Variants in BRIP1 observed in about 807,000 individuals in gnomAD.
BRIP1 encodes the protein Fanconi anemia group J protein.
A neutral mutation model predicts 119.7 loss-of-function variants in BRIP1; 88 were observed. The observed-to-expected ratio is 0.74, with a 90% confidence interval of 0.62 to 0.88. The LOEUF is 0.88. Among genes scored for constraint, BRIP1 ranks in the 40% least tolerant of loss-of-function variants. The pLI is 0.00. For synonymous variants in BRIP1, 443 were observed against 496.5 expected (o/e 0.89, Z 1.43); for missense variants, 1,259 against 1,455.4 (o/e 0.87, Z 2.20).
chr17:61,830,082 A>G (rs746996299), intron 6 of BRIP1, among the ~76,000 whole-genome samples: 1 of 151,848 alleles, frequency 6.6e-6, no homozygotes, highest in Non-Finnish European at 1.5e-5. Flanking sequence ...ACAGGCGCCC[A>G]CCACCATGCC....
intron 16 of BRIP1, among the ~76,000 whole-genome samples, chr17:61,719,225 G>C (rs563736676): frequency 3.0e-4 from 45 of 150,378 alleles, no homozygotes; most frequent in Non-Finnish European, 4.9e-4. Context: ...CCAAGATATG[G>C]AATCAACCTA....
intron 10 of BRIP1, among the ~76,000 whole-genome samples, chr17:61,786,483 T>G (rs989975541): frequency 6.6e-6 from 1 of 151,374 alleles, no homozygotes; most frequent in Non-Finnish European, 1.5e-5. Context: ...GGTATACTAC[T>G]TTGGTAAAAA....
At position 61,729,770 on chromosome 17, in the gene BRIP1, G is replaced by A. The variant is rs2076819115; in HGVS notation, c.2379+13243C>T. 1.3e-5 allele frequency among the ~76,000 whole-genome samples: 2 copies of A among 152,066 alleles called. No individual in the cohort carries two copies. Among genetic ancestry groups the A allele is most frequent in the Non-Finnish European group, 2.9e-5 (2 of 68,022 alleles). ...TTTGTATGCCTCACTATGTAAAACA[G>A]TGGTGCTCAACCGAGAGCAATTTTG... On this transcript the variant is annotated intron_variant, in intron 16 of 19. Transcript: ENST00000259008. The surrounding 1 kb of genome is among the most constrained non-coding windows in gnomAD (Gnocchi z 5.6).
intron 10 of BRIP1, among the ~76,000 whole-genome samples, chr17:61,791,028 C>T (rs991753237): frequency 3.9e-5 from 6 of 152,112 alleles, no homozygotes; most frequent in South Asian, 2.1e-4. Context: ...ATAGATACCA[C>T]GCTGCATTTT....
rs936311438 is a variant in BRIP1, at chr17:61,740,049, G to A, written c.2379+2964C>T. On this transcript the variant is annotated intron_variant, in intron 16 of 19. Coordinates refer to ENST00000259008, the MANE Select transcript of BRIP1 (RefSeq NM_032043.3). The surrounding 1 kb of genome is among the most constrained non-coding windows in gnomAD (Gnocchi z 5.4). Reference sequence around the variant, plus strand: ...AGTAGACACCAAACAGCACAAGACAGTAATTCTGGAGCTAAGTGGAATTCA... The same window carrying A: ...AGTAGACACCAAACAGCACAAGACAATAATTCTGGAGCTAAGTGGAATTCA... Among the ~76,000 whole-genome samples, 27 of 152,154 alleles carry A rather than the reference G, an allele frequency of 1.8e-4. No individual in the cohort carries two copies. Among genetic ancestry groups the A allele is most frequent in the African/African-American group, 6.3e-4 (26 of 41,442 alleles).
At position 61,802,456 on chromosome 17, in the gene BRIP1, T is replaced by C. The variant is rs1277772974; in HGVS notation, c.919-982A>G. ...GCCTGGATGACAAAACAAAGCCCTA[T>C]CTCTAAATAGTAATAAAAACAAGAA... is the stretch of plus-strand genomic sequence containing the variant. On this transcript the variant is annotated intron_variant, in intron 7 of 19. Transcript: ENST00000259008. The surrounding 1 kb of genome is among the most constrained non-coding windows in gnomAD (Gnocchi z 6.0). Among the ~76,000 whole-genome samples, 1 of 152,072 alleles carries C rather than the reference T, an allele frequency of 6.6e-6. No homozygotes were observed. Among genetic ancestry groups the C allele is most frequent in the Non-Finnish European group, 1.5e-5 (1 of 67,998 alleles).
chr17:61,759,431 A>G lies in BRIP1; in HGVS notation c.2098-14840T>C, dbSNP rs2077245597. Among the ~76,000 whole-genome samples, 1 of 152,226 alleles carries G rather than the reference A, an allele frequency of 6.6e-6. No individual in the cohort carries two copies. The highest frequency in any genetic ancestry group is 1.5e-5 in the Non-Finnish European group (1 of 68,024). ...AAGTACCTAAATATATAAAGCAAGTATTAAAGGATCTGAAAAGAGAGATAG... is the reference window on the plus strand; with the variant it reads ...AAGTACCTAAATATATAAAGCAAGTGTTAAAGGATCTGAAAAGAGAGATAG... On this transcript the variant is annotated intron_variant, in intron 14 of 19. Coordinates refer to ENST00000259008, the MANE Select transcript of BRIP1 (RefSeq NM_032043.3). The surrounding 1 kb of genome is among the most constrained non-coding windows in gnomAD (Gnocchi z 4.9).
chr17:61,826,817 G>C (rs1033689296), intron 6 of BRIP1, among the ~76,000 whole-genome samples: 2 of 148,360 alleles, frequency 1.3e-5, no homozygotes, highest in Admixed American at 1.4e-4. Context: ...CTACTGGTAA[G>C]AATGTAAATT....
rs1045920982 is a variant in BRIP1 at position 61,814,230 on chromosome 17, A to C, written c.628-5473T>G. Reference sequence around the variant, plus strand: ...TCCTAAAACAATAAACCAAAAACACAAATGAGTGAAAACACAGCTTCATTA... The same window carrying C: ...TCCTAAAACAATAAACCAAAAACACCAATGAGTGAAAACACAGCTTCATTA... On this transcript the variant is annotated intron_variant, in intron 6 of 19. Transcript: ENST00000259008. The surrounding 1 kb of genome is among the most constrained non-coding windows in gnomAD (Gnocchi z 4.9). Among the ~76,000 whole-genome samples the C allele has an allele frequency of 6.6e-6, 1 of 152,082 alleles. No homozygotes were observed. The highest frequency in any genetic ancestry group is 2.4e-5 in the African/African-American group (1 of 41,458).
At chr17:61,792,521 T>C (rs958104710) in intron 10 of BRIP1, among the ~76,000 whole-genome samples, 2 of 152,096 alleles carry the variant, frequency 1.3e-5, no homozygotes, top group Non-Finnish European at 2.9e-5. Context: ...AAAAAATACA[T>C]GGAGGAATCT....
At chr17:61,771,828 G>C (rs1278373562) in intron 14 of BRIP1, among the ~76,000 whole-genome samples, 1 of 151,978 alleles carries the variant, frequency 6.6e-6, no homozygotes, top group Non-Finnish European at 1.5e-5. Flanking sequence ...CAGACATGTT[G>C]GCGGACACCT....
chr17:61,837,768 CAT>C (rs1383308039), intron 6 of BRIP1, among the ~76,000 whole-genome samples: 1 of 151,944 alleles, frequency 6.6e-6, no homozygotes, highest in African/African-American at 2.4e-5. Flanking sequence ...AGAACTTTGA[CAT>C]ATGAATTGTC....
chr17:61,765,423 A>AT (rs1158741814), intron 14 of BRIP1, among the ~76,000 whole-genome samples: 9 of 8,234 alleles, frequency 1.1e-3, no homozygotes, highest in South Asian at 0.01. Context: ...ATATATATAT[A>AT]TTTTTTTTTT....
At position 61,802,631 on chromosome 17, in the gene BRIP1, G is replaced by A. The variant is rs993855423; in HGVS notation, c.919-1157C>T. ...TCTTGACATCACTAAGCATCTTTTC[G>A]TTGCTGCTCATATATGTACATTGAA... On this transcript the variant is annotated intron_variant, in intron 7 of 19. Coordinates refer to ENST00000259008, the MANE Select transcript of BRIP1 (RefSeq NM_032043.3). The surrounding 1 kb of genome is among the most constrained non-coding windows in gnomAD (Gnocchi z 6.0). Among the ~76,000 whole-genome samples, 6 of 152,088 alleles carry A rather than the reference G, an allele frequency of 3.9e-5. No homozygotes were observed. The highest frequency in any genetic ancestry group is 7.2e-5 in the African/African-American group (3 of 41,416).
chr17:61,746,670 T>A lies in BRIP1; in HGVS notation c.2098-2079A>T, dbSNP rs1288379337. ...ACTATAAATATACACACAACCAACA[T>A]CAGAGCACCCAAATATAGCAAGCAA... On this transcript the variant is annotated intron_variant, in intron 14 of 19. Transcript: ENST00000259008. The surrounding 1 kb of genome is among the most constrained non-coding windows in gnomAD (Gnocchi z 4.9). Among the ~76,000 whole-genome samples, 2 of 151,866 alleles carry A rather than the reference T, an allele frequency of 1.3e-5. No individual in the cohort carries two copies. The highest frequency in any genetic ancestry group is 4.8e-5 in the African/African-American group (2 of 41,350).
chr17:61,785,734 A>G (rs1303066548), intron 10 of BRIP1, among the ~76,000 whole-genome samples: 2 of 152,210 alleles, frequency 1.3e-5, no homozygotes, highest in Non-Finnish European at 2.9e-5. Flanking sequence ...AACACCTTAT[A>G]TCAAAGCTTA....
rs1697470424 is a variant in BRIP1, at chr17:61,848,091, CA to C, written c.508-872del. Among the ~76,000 whole-genome samples, 4 of 152,222 alleles carry C rather than the reference CA, an allele frequency of 2.6e-5. No homozygotes were observed. The South Asian group carries it at 8.3e-4, about 32-fold the overall frequency. On this transcript the variant is annotated intron_variant, in intron 5 of 19. Transcript: ENST00000259008. The surrounding 1 kb of genome is among the most constrained non-coding windows in gnomAD (Gnocchi z 4.3). ...GGAACAGTTAAACTACATAAGACTT[CA>C]AGAACCTTGAGTATACTCAATTAAA...
At position 61,809,755 on chromosome 17, in the gene BRIP1, T is replaced by C. The variant is rs911278048; in HGVS notation, c.628-998A>G. Among the ~76,000 whole-genome samples the C allele has an allele frequency of 1.3e-5, 2 of 152,144 alleles. No individual in the cohort carries two copies. The highest frequency in any genetic ancestry group is 2.9e-5 in the Non-Finnish European group (2 of 67,998). ...GGGGAGGGAAAAAAGGTAAATAGCATTGTAACTTAAAAGACTGTGTGCTAA... is the reference window on the plus strand; with the variant it reads ...GGGGAGGGAAAAAAGGTAAATAGCACTGTAACTTAAAAGACTGTGTGCTAA... On this transcript the variant is annotated intron_variant, in intron 6 of 19. Transcript: ENST00000259008. The surrounding 1 kb of genome is among the most constrained non-coding windows in gnomAD (Gnocchi z 5.2).
Position 61,735,095 on chromosome 17 carries a change from C to T in BRIP1, c.2379+7918G>A, listed in dbSNP as rs1427970728. On this transcript the variant is annotated intron_variant, in intron 16 of 19. Coordinates refer to ENST00000259008, the MANE Select transcript of BRIP1 (RefSeq NM_032043.3). The surrounding 1 kb of genome is among the most constrained non-coding windows in gnomAD (Gnocchi z 4.4). ...ATAGTTTTAGTTTTGGAAGAGCCAT[C>T]TATGTAGGTCATTTAGATCATCATC... Among the ~76,000 whole-genome samples the T allele has an allele frequency of 6.6e-6, 1 of 152,106 alleles. No homozygotes were observed. Among genetic ancestry groups the T allele is most frequent in the Non-Finnish European group, 1.5e-5 (1 of 68,012 alleles).
Sources: allele counts gnomAD v4.1 joint callset (sites outside exome capture counted in the v4.1 genomes callset), GRCh38; gene constraint gnomAD v4.1.1; non-coding constraint Gnocchi (gnomAD v3.1); transcripts MANE v1.5; gene names NCBI Gene and HGNC (gene_info 2026-07-23, HGNC 2026-07-21).